Variants in GFOD1 observed in about 807,000 individuals in gnomAD.
GFOD1 encodes the protein glucose-fructose oxidoreductase domain-containing protein 1.
Under a neutral mutation model 25.4 loss-of-function variants are expected in GFOD1, and 9 were observed. The ratio of observed to expected loss-of-function variants is 0.35; its 90% confidence interval spans 0.21 to 0.62. GFOD1 has a LOEUF of 0.62. GFOD1 is among the 20% of genes least tolerant of loss of function. GFOD1 has a pLI of 0.72. For missense variants in GFOD1, 403 were observed against 556.9 expected (o/e 0.72, Z 2.78); for synonymous variants, 253 against 245.6 (o/e 1.03, Z -0.28).
intron 1 of GFOD1, among the ~76,000 whole-genome samples, chr6:13,429,159 G>A (rs1004396982): frequency 6.6e-5 from 10 of 152,188 alleles, no homozygotes; most frequent in African/African-American, 2.4e-4. Context: ...CTTTTCATGA[G>A]AGTGAAAAGA....
At chr6:13,429,205 C>T (rs1441058406) in intron 1 of GFOD1, among the ~76,000 whole-genome samples, 1 of 152,236 alleles carries the variant, frequency 6.6e-6, no homozygotes, top group African/African-American at 2.4e-5. Context: ...GAAGCCCTGG[C>T]TGGCCATAGC....
rs139519872 is a variant in GFOD1 at position 13,463,437 on chromosome 6, G to A, written c.253+23201C>T. 8.1e-4 allele frequency among the ~76,000 whole-genome samples: 124 copies of A among 152,318 alleles called. No individual in the cohort carries two copies. In the East Asian group the frequency reaches 0.013, roughly 16 times the overall value. On this transcript the variant is annotated intron_variant, in intron 1 of 1. Coordinates refer to ENST00000379287, the MANE Select transcript of GFOD1 (RefSeq NM_018988.4). ...CAGTTCATATGCTCAGTAGCCATAC[G>A]GGGCCAGTGGCTACCATGTTGGACA...
chr6:13,425,575 C>A (rs142277856), intron 1 of GFOD1, among the ~76,000 whole-genome samples: 2 of 152,260 alleles, frequency 1.3e-5, no homozygotes, highest in East Asian at 3.9e-4. Context: ...GAGAGATAAA[C>A]CAGAATTGGC....
intron 1 of GFOD1, among the ~76,000 whole-genome samples, chr6:13,410,231 G>GGATGGGTTAT (rs1786049630): frequency 6.6e-6 from 1 of 152,088 alleles, no homozygotes; most frequent in Admixed American, 6.6e-5. Flanking sequence ...GCTTGCTCCT[G>GGATGGGTTAT]TGTTTGGATG....
intron 1 of GFOD1, among the ~76,000 whole-genome samples, chr6:13,459,767 C>A (rs1758259950): frequency 6.6e-6 from 1 of 152,158 alleles, no homozygotes. Flanking sequence ...CATCACTGAT[C>A]GTTAGAGAAA....
At chr6:13,457,628 G>A (rs1470709349) in intron 1 of GFOD1, among the ~76,000 whole-genome samples, 2 of 152,182 alleles carry the variant, frequency 1.3e-5, no homozygotes, top group Non-Finnish European at 2.9e-5. Context: ...GATAGAGACC[G>A]GGTATTTCCC....
chr6:13,476,905 G>C (rs1339103447), intron 1 of GFOD1, among the ~76,000 whole-genome samples: 1 of 152,158 alleles, frequency 6.6e-6, no homozygotes, highest in Non-Finnish European at 1.5e-5. Context: ...GACGGGTATA[G>C]AATTGGTCGG....
rs916118653 is a variant in GFOD1 at position 13,358,342 on chromosome 6, A to G, written c.*6401T>C. 2.0e-5 allele frequency: 3 copies of G among 152,126 alleles called. No individual in the cohort carries two copies. The highest frequency in any genetic ancestry group is 7.2e-5 in the African/African-American group (3 of 41,420). 9.4% of individuals were successfully genotyped at this position (152,126 alleles called of 1,614,324 possible). ...TATACATATACATACATATATACTC[A>G]TGTTTGTAAAACACAATAAATATAT... On this transcript the variant is annotated 3_prime_UTR_variant, in exon 2 of 2. Coordinates refer to ENST00000379287, the MANE Select transcript of GFOD1 (RefSeq NM_018988.4).
intron 1 of GFOD1, chr6:13,485,908 A>T: frequency 1.9e-6 from 1 of 514,704 alleles, no homozygotes; most frequent in Non-Finnish European, 2.5e-6. Flanking sequence ...GTCAAAAGTT[A>T]AAACCCCCTG....
chr6:13,471,494 A>G (rs1758504993), intron 1 of GFOD1, among the ~76,000 whole-genome samples: 1 of 152,312 alleles, frequency 6.6e-6, no homozygotes, highest in African/African-American at 2.4e-5. Flanking sequence ...GGGCACTGTC[A>G]TTTATCTCAT....
At chr6:13,389,931 C>A (rs1430397808) in intron 1 of GFOD1, among the ~76,000 whole-genome samples, 1 of 152,070 alleles carries the variant, frequency 6.6e-6, no homozygotes, top group Admixed American at 6.5e-5. Context: ...AAAGGACCCC[C>A]TGCATTTCCT....
intron 1 of GFOD1, among the ~76,000 whole-genome samples, chr6:13,435,438 T>C (rs1757818980): frequency 1.3e-5 from 2 of 152,210 alleles, no homozygotes; most frequent in Admixed American, 1.3e-4. Context: ...CTCTTTCATC[T>C]CTCTTATTAT....
chr6:13,371,738 G>A (rs1209424516), intron 1 of GFOD1, among the ~76,000 whole-genome samples: 2 of 152,218 alleles, frequency 1.3e-5, no homozygotes, highest in African/African-American at 2.4e-5. Flanking sequence ...GTAGAGGAAC[G>A]GGAGGGGCTT....
chr6:13,451,083 C>G (rs958840325), intron 1 of GFOD1, among the ~76,000 whole-genome samples: 6 of 152,204 alleles, frequency 3.9e-5, no homozygotes. Flanking sequence ...ATTCTTTGTA[C>G]ACTTCGGGCA....
At chr6:13,473,479 G>A (rs139632023) in intron 1 of GFOD1, among the ~76,000 whole-genome samples, 5 of 152,348 alleles carry the variant, frequency 3.3e-5, no homozygotes, top group African/African-American at 1.2e-4. Flanking sequence ...CAAGCTGTTT[G>A]CCTTGACTGA....
chr6:13,383,981 C>T (rs1469458454), intron 1 of GFOD1, among the ~76,000 whole-genome samples: 1 of 152,172 alleles, frequency 6.6e-6, no homozygotes, highest in Admixed American at 6.5e-5. Context: ...AATCCTAACA[C>T]TTTGGGAGGC....
chr6:13,376,336 G>C (rs1785256152), intron 1 of GFOD1, among the ~76,000 whole-genome samples: 1 of 151,506 alleles, frequency 6.6e-6, no homozygotes, highest in South Asian at 2.1e-4. Context: ...CTGCTATATT[G>C]GTCCAAAATA....
chr6:13,385,357 T>C (rs1283281823), intron 1 of GFOD1, among the ~76,000 whole-genome samples: 2 of 152,154 alleles, frequency 1.3e-5, no homozygotes, highest in African/African-American at 2.4e-5. Context: ...AAAAGTACCA[T>C]TGGGAACCAT....
intron 1 of GFOD1, chr6:13,469,273 T>C (rs1297377250): frequency 1.0e-6 from 1 of 985,404 alleles, no homozygotes; most frequent in Non-Finnish European, 1.2e-6. Flanking sequence ...TCGCCTTTTA[T>C]ATCTTATCCA....
Sources: gnomAD v4.1 joint callset for allele counts (sites outside exome capture counted in the v4.1 genomes callset) on GRCh38, gnomAD v4.1.1 for gene constraint, MANE v1.5 for transcripts, NCBI Gene and HGNC (gene_info 2026-07-23, HGNC 2026-07-21) for gene names.